The following SERPINB10 variants were observed in gnomAD, a reference collection of about 807,000 sequenced individuals.
SERPINB10 encodes the protein serpin B10.
SERPINB10 carries 35 observed loss-of-function variants against 39.1 expected under a neutral mutation model. That is an observed-to-expected ratio of 0.90 (90% CI 0.68 to 1.19). The LOEUF (loss-of-function observed/expected upper bound fraction) is 1.19, where lower values mean the gene tolerates loss of function less well. SERPINB10 is among the 50% of genes most tolerant of loss of function. The pLI, the probability that SERPINB10 is intolerant of heterozygous loss-of-function variation, is 0.00. For synonymous variants in SERPINB10, 190 were observed against 158.1 expected, an observed-to-expected ratio of 1.20 and a Z score of -1.52; for missense variants, 546 against 460.5, an observed-to-expected ratio of 1.19 and a Z score of -1.70.
At chr18:63,916,786 T>C (rs943522542) in intron 2 of SERPINB10, among the ~76,000 whole-genome samples, 1 of 152,062 alleles carries the variant, frequency 6.6e-6, no homozygotes, top group Admixed American at 6.6e-5. Context: ...CACCCCTTTA[T>C]GTATGGCAGG....
At chr18:63,908,659 C>T (rs2050042640) in intron 1 of SERPINB10, among the ~76,000 whole-genome samples, 1 of 151,948 alleles carries the variant, frequency 6.6e-6, no homozygotes, top group Non-Finnish European at 1.5e-5. Context: ...ATAAACCACC[C>T]CAAACTATTA....
chr18:63,916,361 A>C (rs1599077501), intron 2 of SERPINB10, among the ~76,000 whole-genome samples: 3 of 151,440 alleles, frequency 2.0e-5, no homozygotes, highest in East Asian at 3.9e-4. Context: ...AAAAAAAAAA[A>C]ACAGAAGGAG....
At chr18:63,919,960 T>A in intron 5 of SERPINB10, 55 bp downstream of exon 5, 1 of 1,083,268 alleles carries the variant, frequency 9.2e-7, no homozygotes, top group Non-Finnish European at 1.4e-6. Context: ...TCCTTGTATT[T>A]ATTTTAGTTT....
intron 5 of SERPINB10, among the ~76,000 whole-genome samples, chr18:63,928,250 G>T (rs2050194260): frequency 6.6e-6 from 1 of 152,056 alleles, no homozygotes; most frequent in Non-Finnish European, 1.5e-5. Context: ...GCAGAGTGAA[G>T]CTGGGTTGGC....
At chr18:63,911,052 G>C (rs1266936234) in intron 1 of SERPINB10, among the ~76,000 whole-genome samples, 3 of 152,006 alleles carry the variant, frequency 2.0e-5, no homozygotes, top group Admixed American at 6.6e-5. Flanking sequence ...TAATGATGTT[G>C]AGCATTTTTT....
intron 5 of SERPINB10, among the ~76,000 whole-genome samples, chr18:63,928,694 A>G (rs1298592296): frequency 1.3e-5 from 2 of 151,922 alleles, no homozygotes; most frequent in Non-Finnish European, 2.9e-5. Context: ...ATGTTCTTCC[A>G]TTTGTTTGTA....
In SERPINB10 at chr18:63,913,900, T is replaced by C. The variant is rs571875224; in HGVS notation, c.-9-1602T>C. On this transcript the variant is annotated intron_variant, in intron 1 of 7. Coordinates refer to ENST00000238508, the MANE Select transcript of SERPINB10 (RefSeq NM_005024.3). ...TTGTGTGTCTGTCTAAGTCTTTTTG[T>C]AGGTTGAAGAGTACTTGTCTTATGA... is the stretch of plus-strand genomic sequence containing the variant. Among the ~76,000 whole-genome samples, 20 of 152,222 alleles carry C rather than the reference T, an allele frequency of 1.3e-4. No individual in the cohort carries two copies. In the South Asian group the frequency reaches 4.1e-3, roughly 32 times the overall value.
Position 63,917,492 on chromosome 18 carries a change from G to C in SERPINB10, c.205G>C (p.Asp69His). The change falls in exon 3 of 8, where the codon GAC (aspartate) becomes CAC (histidine). Residue 69 changes from aspartate (D) to histidine (H), a missense_variant. Physicochemically the swap from Asp to His is moderately conservative, Grantham distance 81. Coordinates refer to ENST00000238508, the MANE Select transcript of SERPINB10 (RefSeq NM_005024.3). Reference sequence around the variant, plus strand: ...TAACAGAGACCAGGGAGTCAAATGTGACCCTGAAAGTGAAAAAAAAAGGAA... The same window carrying C: ...TAACAGAGACCAGGGAGTCAAATGTCACCCTGAAAGTGAAAAAAAAAGGAA... The part of the protein sequence containing the change: ...QFNRDQGVKC[D>H]PESEKKRKME... 6.3e-7 allele frequency: 1 copy of C among 1,578,214 alleles called. No homozygotes were observed. The highest frequency in any genetic ancestry group is 1.2e-5 in the South Asian group (1 of 85,824).
chr18:63,917,428 T>C (rs1198769206), intron 2 of SERPINB10, 28 bp from the exon 3 acceptor site: 4 of 1,368,352 alleles, frequency 2.9e-6, no homozygotes, highest in Non-Finnish European at 3.0e-6. Context: ...CTGCAGTCTA[T>C]TCATTTGTAT....
intron 3 of SERPINB10, 60 bp from the exon 4 acceptor site, chr18:63,917,905 G>T: frequency 6.8e-7 from 1 of 1,462,810 alleles, no homozygotes; most frequent in Non-Finnish European, 9.5e-7. Flanking sequence ...GCTTTAGTTT[G>T]CTAACATGTA....
rs775674464 is a variant in SERPINB10, at chr18:63,918,101, A to G, written c.371A>G (p.Asn124Ser). The G allele has an allele frequency of 1.2e-6, 2 of 1,611,940 alleles. No individual in the cohort carries two copies. The highest frequency in any genetic ancestry group is 2.2e-5 in the South Asian group (2 of 91,000). ...IYGEKTYAFH[N>S]KYLEDMKTYF... ...GGAGAGAAAACGTATGCATTTCACA[A>G]TGTAAGTGCAAATGTCTTATTTTAA... The change falls in exon 4 of 8, where the codon AAT becomes AGT. Residue 124 changes from asparagine (N) to serine (S), a missense_variant and splice_region_variant. Transcript: ENST00000238508.
At chr18:63,928,390 T>A (rs2050195122) in intron 5 of SERPINB10, among the ~76,000 whole-genome samples, 1 of 152,106 alleles carries the variant, frequency 6.6e-6, no homozygotes, top group Non-Finnish European at 1.5e-5. Context: ...AGGTGCTTTA[T>A]TAGAGAGTTT....
chr18:63,920,669 A>C (rs1449671738), intron 5 of SERPINB10, among the ~76,000 whole-genome samples: 1 of 152,004 alleles, frequency 6.6e-6, no homozygotes, highest in Non-Finnish European at 1.5e-5. Context: ...GTCTAAACTT[A>C]GTCCATAGCA....
chr18:63,935,079 T>A lies in SERPINB10; in HGVS notation c.1031T>A (p.Ile344Lys). ...SNVFHKAFVE[I>K]NEQGTEAAAG... is the part of the protein sequence containing the mutation. ...GTTTTCCATAAGGCTTTTGTGGAAA[T>A]AAATGAACAAGGTACTGAAGCTGCA... Residue 344 changes from isoleucine to lysine, a missense_variant, in exon 8 of 8, where the codon ATA becomes AAA. Transcript: ENST00000238508. The A allele has an allele frequency of 6.2e-7, 1 of 1,614,170 alleles. No individual in the cohort carries two copies. The highest frequency in any genetic ancestry group is 1.3e-5 in the African/African-American group (1 of 75,074).
At chr18:63,928,110 T>C (rs889298182) in intron 5 of SERPINB10, among the ~76,000 whole-genome samples, 1 of 152,086 alleles carries the variant, frequency 6.6e-6, no homozygotes, top group African/African-American at 2.4e-5. Context: ...TGAGATTCTA[T>C]TAATATTTTC....
chr18:63,926,343 C>A (rs2050181588), intron 5 of SERPINB10, among the ~76,000 whole-genome samples: 2 of 151,914 alleles, frequency 1.3e-5, no homozygotes, highest in African/African-American at 4.8e-5. Context: ...TGTCCAAATT[C>A]CCCCCTCCTT....
chr18:63,918,256 C>G (rs1016594894), intron 4 of SERPINB10, among the ~76,000 whole-genome samples, 154 bp downstream of exon 4: 3 of 152,008 alleles, frequency 2.0e-5, no homozygotes, highest in East Asian at 3.9e-4. Context: ...CAATGAGTGT[C>G]TAGTGGTAAA....
At chr18:63,930,245 C>A in intron 6 of SERPINB10, 58 bp downstream of exon 6, 1 of 1,547,236 alleles carries the variant, frequency 6.5e-7, no homozygotes, top group Non-Finnish European at 8.8e-7. Flanking sequence ...AAGTGATTCT[C>A]TTATAAATTC....
At position 63,935,800 on chromosome 18, in the gene SERPINB10, A is replaced by G. The variant is rs562460626; in HGVS notation, c.*558A>G. 1 of 152,324 alleles carries G rather than the reference A, an allele frequency of 6.6e-6. No homozygotes were observed. The highest frequency in any genetic ancestry group is 2.4e-5 in the African/African-American group (1 of 41,538). The allele number at this position is 152,324 out of a possible 1,614,324, so 9.4% of individuals were successfully genotyped here. On this transcript the variant is annotated 3_prime_UTR_variant, in exon 8 of 8. Transcript: ENST00000238508. The stretch of plus-strand genomic sequence containing the variant: ...ACTCCAACCTGGGCAACAGAGCAAG[A>G]CCCTGTCTCAAAAAAATCATTTTGG...
Sources: gnomAD v4.1 joint callset for allele counts (sites outside exome capture counted in the v4.1 genomes callset) on GRCh38, gnomAD v4.1.1 for gene constraint, MANE v1.5 for transcripts, NCBI Gene and HGNC (gene_info 2026-07-23, HGNC 2026-07-21) for gene names.